NCKAP5: variants seen among roughly 807,000 people sequenced by gnomAD.
The protein encoded by NCKAP5 is NCK associated protein 5.
NCKAP5 carries 92 observed loss-of-function variants against 167.0 expected under a neutral mutation model. The ratio of observed to expected loss-of-function variants is 0.55; its 90% confidence interval spans 0.47 to 0.66. NCKAP5 has a LOEUF of 0.66. Among genes scored for constraint, NCKAP5 ranks in the 30% least tolerant of loss-of-function variants. NCKAP5 has a pLI of 0.00. For missense variants in NCKAP5, 2,378 were observed against 2,315.0 expected, an observed-to-expected ratio of 1.03 and a Z score of -0.56; for synonymous variants, 891 against 877.4, an observed-to-expected ratio of 1.02 and a Z score of -0.27.
At chr2:133,393,288 G>T (rs1559447628) in intron 3 of NCKAP5, among the ~76,000 whole-genome samples, 1 of 152,166 alleles carries the variant, frequency 6.6e-6, no homozygotes, top group Non-Finnish European at 1.5e-5. Context: ...TTGAGAACTT[G>T]TTTGTTCTGC....
At chr2:133,296,306 G>A (rs1212610373) in intron 4 of NCKAP5, among the ~76,000 whole-genome samples, 1 of 151,816 alleles carries the variant, frequency 6.6e-6, no homozygotes, top group Non-Finnish European at 1.5e-5. Flanking sequence ...ATTTCATCCC[G>A]ACACAACCAA....
At chr2:132,934,475 A>G (rs1179531331) in intron 8 of NCKAP5, among the ~76,000 whole-genome samples, 2 of 152,012 alleles carry the variant, frequency 1.3e-5, no homozygotes, top group Non-Finnish European at 2.9e-5. Context: ...GGGGAGGCTG[A>G]GGCACGAGAA....
rs553171573 is a variant in NCKAP5 at position 133,473,543 on chromosome 2, T to C, written c.69+43915A>G. On this transcript the variant is annotated intron_variant, in intron 3 of 19. Coordinates refer to ENST00000409261, the MANE Select transcript of NCKAP5 (RefSeq NM_207363.3). Reference sequence around the variant, plus strand: ...CTAATGAGTTTCCAGGGGATACTGATACTGCTATTCTGGGAGCCATACTTT... The same window carrying C: ...CTAATGAGTTTCCAGGGGATACTGACACTGCTATTCTGGGAGCCATACTTT... 9.8e-4 allele frequency among the ~76,000 whole-genome samples: 149 copies of C among 152,294 alleles called. 1 individual carries two copies. The highest frequency in any genetic ancestry group is 1.8e-3 in the Admixed American group (27 of 15,296).
chr2:133,387,735 T>C (rs1162288416), intron 3 of NCKAP5, among the ~76,000 whole-genome samples: 8 of 152,208 alleles, frequency 5.3e-5, no homozygotes, highest in Non-Finnish European at 2.9e-5. Flanking sequence ...GGAGGCTTTG[T>C]TCATTTCTTT....
intron 16 of NCKAP5, among the ~76,000 whole-genome samples, chr2:132,736,144 C>T (rs529970245): frequency 6.6e-6 from 1 of 152,220 alleles, no homozygotes; most frequent in South Asian, 2.1e-4. Flanking sequence ...TTTGTAAGTA[C>T]CTATGAAGTG....
chr2:132,728,226 C>T (rs911668602), intron 18 of NCKAP5, among the ~76,000 whole-genome samples: 1 of 152,124 alleles, frequency 6.6e-6, no homozygotes, highest in Admixed American at 6.5e-5. Flanking sequence ...ATAACCCCCA[C>T]TAGGAATGAG....
chr2:133,596,573 A>G, the NCKAP5 span, among the ~76,000 whole-genome samples: 44 of 152,360 alleles, frequency 2.9e-4, no homozygotes, highest in African/African-American at 9.6e-4. Flanking sequence ...GATACAGTAG[A>G]GGGAAGAGTC....
intron 3 of NCKAP5, among the ~76,000 whole-genome samples, chr2:133,444,198 G>A (rs1691034317): frequency 6.6e-6 from 1 of 152,132 alleles, no homozygotes; most frequent in South Asian, 2.1e-4. Context: ...CCAAAAGAAG[G>A]AAGGACTGAT....
intron 6 of NCKAP5, among the ~76,000 whole-genome samples, chr2:133,051,337 A>G (rs758782610): frequency 2.0e-5 from 3 of 152,186 alleles, no homozygotes; most frequent in Admixed American, 6.5e-5. Flanking sequence ...ACTGAACACA[A>G]AGTAGGTGAG....
At chr2:133,441,613 T>C (rs1433323645) in intron 3 of NCKAP5, among the ~76,000 whole-genome samples, 1 of 152,152 alleles carries the variant, frequency 6.6e-6, no homozygotes, top group Non-Finnish European at 1.5e-5. Context: ...AAGGAAGGGG[T>C]AGTGTGAACT....
At chr2:133,591,486 G>T in the NCKAP5 span, among the ~76,000 whole-genome samples, 1 of 152,306 alleles carries the variant, frequency 6.6e-6, no homozygotes, top group Non-Finnish European at 1.5e-5. Context: ...GAGGACTTCT[G>T]GGTCTAGGTA....
intron 2 of NCKAP5, among the ~76,000 whole-genome samples, chr2:133,542,665 T>C (rs1686327494): frequency 6.6e-6 from 1 of 152,204 alleles, no homozygotes; most frequent in African/African-American, 2.4e-5. Context: ...TTTTACACTG[T>C]GATCTTCATC....
At chr2:133,354,408 A>C (rs1684571345) in intron 3 of NCKAP5, among the ~76,000 whole-genome samples, 1 of 151,590 alleles carries the variant, frequency 6.6e-6, no homozygotes, top group Non-Finnish European at 1.5e-5. Context: ...GGCATGCACC[A>C]CCATGCCTGG....
intron 11 of NCKAP5, among the ~76,000 whole-genome samples, chr2:132,844,173 A>C (rs948857514): frequency 6.6e-6 from 1 of 152,166 alleles, no homozygotes; most frequent in African/African-American, 2.4e-5. Context: ...TAAAGAGCCT[A>C]TCATTATAAA....
chr2:132,748,120 C>T (rs1218055280), intron 16 of NCKAP5, among the ~76,000 whole-genome samples: 1 of 152,162 alleles, frequency 6.6e-6, no homozygotes, highest in Non-Finnish European at 1.5e-5. Flanking sequence ...TGTGTCCCTG[C>T]TATGTATCAG....
chr2:132,751,225 C>T (rs1680085024), intron 16 of NCKAP5, among the ~76,000 whole-genome samples: 2 of 151,980 alleles, frequency 1.3e-5, no homozygotes, highest in African/African-American at 2.4e-5. Flanking sequence ...AGAGATTTCC[C>T]TCTATCCCCC....
intron 3 of NCKAP5, among the ~76,000 whole-genome samples, chr2:133,335,744 G>A (rs1241819599): frequency 2.0e-5 from 3 of 152,040 alleles, no homozygotes; most frequent in Admixed American, 6.6e-5. Flanking sequence ...ATAATCAATT[G>A]CCTGTTATGA....
intron 5 of NCKAP5, among the ~76,000 whole-genome samples, chr2:133,187,804 G>A (rs577047144): frequency 1.3e-5 from 2 of 151,878 alleles, no homozygotes; most frequent in Non-Finnish European, 2.9e-5. Flanking sequence ...TGCAACACCT[G>A]CTTTTTTTTG....
At position 132,963,879 on chromosome 2, in the gene NCKAP5, G is replaced by A; in HGVS notation, c.430-10C>T. The A allele has an allele frequency of 6.2e-7, 1 of 1,613,100 alleles. No individual in the cohort carries two copies. The highest frequency in any genetic ancestry group is 8.5e-7 in the Non-Finnish European group (1 of 1,179,740). ...CCTCTGACAGCTTTTCCTGAAGCAAGAAAGAATTACTGTTTTCAATAATCT... is the reference window on the plus strand; with the variant it reads ...CCTCTGACAGCTTTTCCTGAAGCAAAAAAGAATTACTGTTTTCAATAATCT... On this transcript the variant is annotated splice_polypyrimidine_tract_variant and intron_variant, in intron 7 of 19. Transcript: ENST00000409261.
Sources: gnomAD v4.1 joint callset for allele counts (sites outside exome capture counted in the v4.1 genomes callset) on GRCh38, gnomAD v4.1.1 for gene constraint, MANE v1.5 for transcripts, NCBI Gene and HGNC (gene_info 2026-07-23, HGNC 2026-07-21) for gene names.